LEPR: variants seen among roughly 807,000 people sequenced by gnomAD.
The protein encoded by LEPR is leptin receptor, also known as OB receptor.
A neutral mutation model predicts 114.7 loss-of-function variants in LEPR; 56 were observed. The ratio of observed to expected loss-of-function variants is 0.49; its 90% CI spans 0.39 to 0.61. The LOEUF (loss-of-function observed/expected upper bound fraction) is 0.61, where lower values mean the gene tolerates loss of function less well. Among genes scored for constraint, LEPR ranks in the 20% least tolerant of loss-of-function variants. The pLI is 0.00. For synonymous variants in LEPR, 443 were observed against 461.4 expected, an observed-to-expected ratio of 0.96 and a Z score of 0.51; for missense variants, 1,202 against 1,352.9, an observed-to-expected ratio of 0.89 and a Z score of 1.75.
At chr1:65,500,895 G>A (rs1648416046) in intron 2 of LEPR, among the ~76,000 whole-genome samples, 1 of 152,098 alleles carries the variant, frequency 6.6e-6, no homozygotes, top group South Asian at 2.1e-4. Flanking sequence ...CCTCTATGAA[G>A]TCTTCCTGAA....
intron 2 of LEPR, among the ~76,000 whole-genome samples, chr1:65,484,206 C>T (rs1029769247): frequency 4.6e-5 from 7 of 152,014 alleles, no homozygotes; most frequent in East Asian, 1.9e-4. Flanking sequence ...GCTACTATTG[C>T]GATACCCCTA....
chr1:65,453,533 A>G (rs1322040991), intron 2 of LEPR, among the ~76,000 whole-genome samples: 1 of 151,788 alleles, frequency 6.6e-6, no homozygotes, highest in Admixed American at 6.6e-5. Context: ...TCATTTTGTT[A>G]TGTACCCAGT....
intron 2 of LEPR, among the ~76,000 whole-genome samples, chr1:65,428,281 C>T (rs969124426): frequency 1.3e-5 from 2 of 151,916 alleles, no homozygotes; most frequent in Non-Finnish European, 2.9e-5. Context: ...TGAATGAAAA[C>T]ATAGAGTCAG....
At chr1:65,553,108 T>A (rs1248115963) in intron 2 of LEPR, among the ~76,000 whole-genome samples, 2 of 152,236 alleles carry the variant, frequency 1.3e-5, no homozygotes, top group Non-Finnish European at 1.5e-5. Flanking sequence ...TGGGCTTCCC[T>A]TTGTGGGTAA....
At chr1:65,449,712 T>C (rs1434560780) in intron 2 of LEPR, among the ~76,000 whole-genome samples, 1 of 151,858 alleles carries the variant, frequency 6.6e-6, no homozygotes, top group African/African-American at 2.4e-5. Flanking sequence ...TAGCTTTTAG[T>C]TTCATTGATT....
Position 65,623,235 on chromosome 1 carries a change from A to G in LEPR, c.2673+254A>G, listed in dbSNP as rs1169373498. ...ATATGTTGCTTCTGTGTCACAGTAC[A>G]TAATAAAATAAATATTAGAAAGTTA... On this transcript the variant is annotated intron_variant, in intron 19 of 19. Coordinates refer to ENST00000349533, the MANE Select transcript of LEPR (RefSeq NM_002303.6). 5 of 374,114 alleles carry G rather than the reference A, an allele frequency of 1.3e-5. No homozygotes were observed. The East Asian group carries it at 1.5e-4, about 11-fold the overall frequency. The allele number at this position is 374,114 out of a possible 1,614,324, so 23.2% of individuals were successfully genotyped here.
intron 2 of LEPR, among the ~76,000 whole-genome samples, chr1:65,456,780 G>C (rs893605982): frequency 5.3e-5 from 8 of 152,194 alleles, no homozygotes; most frequent in African/African-American, 1.9e-4. Context: ...TCTTTGATTG[G>C]TGCATTAGAC....
intron 11 of LEPR, among the ~76,000 whole-genome samples, chr1:65,606,548 C>A (rs897705983): frequency 2.0e-5 from 3 of 152,112 alleles, no homozygotes; most frequent in Admixed American, 2.0e-4. Context: ...TTTTGTCATC[C>A]ATAAAATGTA....
chr1:65,622,925 G>A lies in LEPR; in HGVS notation c.2617G>A (p.Glu873Lys), dbSNP rs779517514. The change falls in exon 19 of 20, where the codon GAA becomes AAA. Residue 873 changes from glutamate (E) to lysine (K), a missense_variant. Glu to Lys is a moderately conservative substitution (Grantham distance 56). Transcript: ENST00000349533. ...SHQRMKKLFW[E>K]DVPNPKNCSW... ...TTGTAGAATGAAAAAGCTATTTTGG[G>A]AAGATGTTCCGAACCCCAAGAATTG... 1 of 1,613,934 alleles carries A rather than the reference G, an allele frequency of 6.2e-7. No individual in the cohort carries two copies. The highest frequency in any genetic ancestry group is 1.3e-5 in the African/African-American group (1 of 75,014).
chr1:65,634,947 A>G (rs1388930270), intron 19 of LEPR: 2 of 814,456 alleles, frequency 2.5e-6, no homozygotes, highest in Non-Finnish European at 3.0e-6. Flanking sequence ...GGAAAGTTGT[A>G]TTAATTCAGT....
chr1:65,421,562 A>G (rs570425077), intron 1 of LEPR: 742 of 1,313,294 alleles, frequency 5.6e-4, no homozygotes, highest in Non-Finnish European at 7.1e-4. Flanking sequence ...AGATATCCCC[A>G]GTTAACATCT....
At chr1:65,433,022 A>G (rs962036575) in intron 2 of LEPR, 5 of 985,300 alleles carry the variant, frequency 5.1e-6, no homozygotes, top group Non-Finnish European at 6.0e-6. Flanking sequence ...CTGAAAGACA[A>G]TGCTGGGGGA....
intron 2 of LEPR, among the ~76,000 whole-genome samples, chr1:65,484,042 A>G (rs1647349410): frequency 6.6e-6 from 1 of 151,702 alleles, no homozygotes; most frequent in Non-Finnish European, 1.5e-5. Flanking sequence ...TTTTTTGTAG[A>G]GGTAGGGTCT....
At chr1:65,463,852 G>A (rs1173933787) in intron 2 of LEPR, among the ~76,000 whole-genome samples, 2 of 152,230 alleles carry the variant, frequency 1.3e-5, no homozygotes, top group African/African-American at 4.8e-5. Context: ...AGGAGTTCTT[G>A]TGATTTTTTG....
At position 65,570,692 on chromosome 1, in the gene LEPR, T is replaced by C. The variant is rs891183270; in HGVS notation, c.260T>C (p.Phe87Ser). 6.8e-6 allele frequency: 11 copies of C among 1,613,736 alleles called. No individual in the cohort carries two copies. Among genetic ancestry groups the C allele is most frequent in the Non-Finnish European group, 8.5e-6 (10 of 1,179,826 alleles). Residue 87 changes from phenylalanine (F) to serine (S), a missense_variant, in exon 4 of 20, where the codon TTC becomes TCC. Transcript: ENST00000349533. ...THFSNLSKTT[F>S]HCCFRSEQDR... ...TTTTCTAACTTATCCAAAACAACTTTCCACTGTTGCTTTCGGAGTGAGCAA... is the reference window on the plus strand; with the variant it reads ...TTTTCTAACTTATCCAAAACAACTTCCCACTGTTGCTTTCGGAGTGAGCAA...
chr1:65,447,583 G>A (rs1398020622), intron 2 of LEPR, among the ~76,000 whole-genome samples: 1 of 150,102 alleles, frequency 6.7e-6, no homozygotes, highest in Non-Finnish European at 1.5e-5. Flanking sequence ...CCAGGCTGGA[G>A]TGCAATGGTG....
rs138724121 is a variant in LEPR at position 65,636,720 on chromosome 1, C to G, written c.3203C>G (p.Pro1068Arg). ...CTTTTGAAATTGGAGGGAAATTTCC[C>G]TGAAGAAAATAATGATAAAAAGTCT... ...DELLKLEGNF[P>R]EENNDKKSIY... Residue 1068 changes from proline (P) to arginine (R), a missense_variant, in exon 20 of 20, where the codon CCT becomes CGT. Physicochemically the swap from Pro to Arg is moderately radical, Grantham distance 103. Transcript: ENST00000349533. 3.9e-5 allele frequency: 62 copies of G among 1,608,946 alleles called. No individual in the cohort carries two copies. In the African/African-American group the frequency reaches 8.0e-4, roughly 21 times the overall value.
At chr1:65,620,517 A>G (rs527824497) in intron 17 of LEPR, among the ~76,000 whole-genome samples, 2 of 152,194 alleles carry the variant, frequency 1.3e-5, no homozygotes, top group South Asian at 2.1e-4. Context: ...GCAAAAAATA[A>G]TTATATAATG....
rs1644859875 is a variant in LEPR, at chr1:65,641,068, GCGCC to G, written c.*4054_*4057del. The G allele has an allele frequency of 6.6e-6, 1 of 152,092 alleles. No individual in the cohort carries two copies. 9.4% of individuals were successfully genotyped at this position (152,092 alleles called of 1,614,324 possible). A position where few individuals can be genotyped will look rare whatever the true frequency, so the allele number is the denominator to read the frequency against. On this transcript the variant is annotated 3_prime_UTR_variant, in exon 20 of 20. Coordinates refer to ENST00000349533, the MANE Select transcript of LEPR (RefSeq NM_002303.6). ...TGGGATTACAGGTGTGAGAGCTGCC[GCGCC>G]TAGCCCTTCATGAGGTTTTATAGTG...
Sources: allele counts gnomAD v4.1 joint callset (sites outside exome capture counted in the v4.1 genomes callset), GRCh38; gene constraint gnomAD v4.1.1; transcripts MANE v1.5; gene names NCBI Gene and HGNC (gene_info 2026-07-23, HGNC 2026-07-21).